The following STK39 variants were observed in gnomAD, a reference collection of about 807,000 sequenced individuals.
STK39 encodes serine/threonine kinase 39.
Under a neutral mutation model 77.8 loss-of-function variants are expected in STK39, and 20 were observed. The observed-to-expected ratio is 0.26, with a 90% CI of 0.18 to 0.37. The LOEUF is 0.37. Among genes scored for constraint, STK39 ranks in the 10% least tolerant of loss-of-function variants. The pLI is 1.00. For synonymous variants in STK39, 246 were observed against 234.1 expected (o/e 1.05, Z -0.47); for missense variants, 479 against 656.5 (o/e 0.73, Z 2.95).
intron 14 of STK39, among the ~76,000 whole-genome samples, chr2:168,025,892 G>T (rs1037958318): frequency 6.6e-6 from 1 of 152,184 alleles, no homozygotes; most frequent in African/African-American, 2.4e-5. Context: ...ACTCCTTCGG[G>T]AATTGAAGAC....
chr2:168,209,590 G>C (rs1689831961), intron 1 of STK39, among the ~76,000 whole-genome samples: 1 of 152,204 alleles, frequency 6.6e-6, no homozygotes, highest in Non-Finnish European at 1.5e-5. Context: ...TGGGGCAGAA[G>C]AATCACTTGA....
At chr2:168,193,268 A>T (rs1689383650) in intron 1 of STK39, among the ~76,000 whole-genome samples, 1 of 152,220 alleles carries the variant, frequency 6.6e-6, no homozygotes, top group Non-Finnish European at 1.5e-5. Context: ...ACAGGAAGTC[A>T]GGTCACCCTC....
At chr2:168,030,109 C>T (rs1204202904) in intron 14 of STK39, among the ~76,000 whole-genome samples, 8 of 152,052 alleles carry the variant, frequency 5.3e-5, no homozygotes, top group South Asian at 2.1e-4. Flanking sequence ...GGTGTGGTGG[C>T]GGGCGCCGGT....
At chr2:168,013,531 G>A (rs1334860299) in intron 15 of STK39, among the ~76,000 whole-genome samples, 1 of 152,174 alleles carries the variant, frequency 6.6e-6, no homozygotes, top group African/African-American at 2.4e-5. Flanking sequence ...AGCTGACTTG[G>A]TCCCCAGGGA....
intron 16 of STK39, among the ~76,000 whole-genome samples, chr2:167,990,867 C>G (rs977852528): frequency 6.6e-6 from 1 of 152,176 alleles, no homozygotes; most frequent in African/African-American, 2.4e-5. Context: ...TAGGTGAACT[C>G]TGTCTCAGCA....
At chr2:168,181,177 C>G (rs1229773384) in intron 2 of STK39, among the ~76,000 whole-genome samples, 1 of 152,156 alleles carries the variant, frequency 6.6e-6, no homozygotes, top group Admixed American at 6.5e-5. Flanking sequence ...AATCAGTTAA[C>G]TCCTCCACTG....
intron 1 of STK39, among the ~76,000 whole-genome samples, chr2:168,208,369 A>G (rs1242687559): frequency 6.6e-6 from 1 of 152,216 alleles, no homozygotes; most frequent in Non-Finnish European, 1.5e-5. Flanking sequence ...ACACAAATCA[A>G]CAACAGAACC....
At chr2:168,047,920 A>G (rs889904467) in intron 14 of STK39, among the ~76,000 whole-genome samples, 11 of 152,226 alleles carry the variant, frequency 7.2e-5, no homozygotes, top group African/African-American at 2.7e-4. Context: ...ACCAAAACTC[A>G]TATTTCCTTT....
intron 17 of STK39, among the ~76,000 whole-genome samples, chr2:167,958,151 A>T (rs1000118147): frequency 3.3e-5 from 5 of 152,214 alleles, no homozygotes; most frequent in Non-Finnish European, 5.9e-5. Flanking sequence ...GGGTCTTAGG[A>T]TCTCTTGATA....
intron 14 of STK39, among the ~76,000 whole-genome samples, chr2:168,058,966 G>C (rs1331896354): frequency 6.6e-6 from 1 of 152,204 alleles, no homozygotes. Context: ...CTTCACCACA[G>C]GCTACACAGC....
chr2:168,240,775 T>C (rs1467277614), intron 1 of STK39, among the ~76,000 whole-genome samples: 1 of 152,198 alleles, frequency 6.6e-6, no homozygotes, highest in Non-Finnish European at 1.5e-5. Context: ...CAGCATTTGA[T>C]GTGGTAATTG....
chr2:167,989,185 G>C (rs1191467371), intron 16 of STK39, among the ~76,000 whole-genome samples: 1 of 152,126 alleles, frequency 6.6e-6, no homozygotes, highest in African/African-American at 2.4e-5. Flanking sequence ...GTACGCACCT[G>C]GGGCATCCTT....
intron 10 of STK39, among the ~76,000 whole-genome samples, chr2:168,124,741 A>C (rs910929187): frequency 5.3e-5 from 8 of 152,150 alleles, no homozygotes; most frequent in Admixed American, 3.3e-4. Context: ...TATGAATATG[A>C]GTGTGAGTGT....
chr2:168,170,772 TGAGTCTAACTGGAGGA>T (rs1277113308), intron 2 of STK39, among the ~76,000 whole-genome samples: 5 of 152,156 alleles, frequency 3.3e-5, no homozygotes, highest in Admixed American at 1.3e-4. Flanking sequence ...ACTGCCTGGC[TGAGTCTAACTGGAGGA>T]GAGTCTAACT....
At chr2:167,969,183 T>C (rs1692251836) in intron 16 of STK39, among the ~76,000 whole-genome samples, 3 of 152,364 alleles carry the variant, frequency 2.0e-5, no homozygotes, top group South Asian at 4.1e-4. Flanking sequence ...GCTTGATGTA[T>C]AGCAAGTGGT....
chr2:168,097,942 T>A (rs6724737), intron 10 of STK39, among the ~76,000 whole-genome samples: 147,688 of 152,332 alleles, frequency 0.97, 71,648 homozygotes, highest in East Asian at 1. Context: ...CCACACAAAT[T>A]GGTATTACAG....
intron 2 of STK39, 44 bp from the exon 3 acceptor site, chr2:168,167,451 T>C (rs200773217): frequency 1.9e-6 from 3 of 1,567,476 alleles, no homozygotes; most frequent in Non-Finnish European, 2.6e-6. Flanking sequence ...GGGGTGAAAA[T>C]TGGCAAGCAA....
At chr2:168,072,596 G>GT (rs1391676382) in intron 12 of STK39, among the ~76,000 whole-genome samples, 1 of 152,202 alleles carries the variant, frequency 6.6e-6, no homozygotes, top group Non-Finnish European at 1.5e-5. Flanking sequence ...ATTTTGCTCT[G>GT]TATTTCTCAC....
intron 1 of STK39, among the ~76,000 whole-genome samples, chr2:168,220,015 C>T (rs372228600): frequency 3.3e-5 from 5 of 152,080 alleles, no homozygotes; most frequent in East Asian, 1.9e-4. Flanking sequence ...GATGGAGAGC[C>T]TTCCTTTGCT....
Sources: gnomAD v4.1 joint callset for allele counts (sites outside exome capture counted in the v4.1 genomes callset) on GRCh38, gnomAD v4.1.1 for gene constraint, MANE v1.5 for transcripts, NCBI Gene and HGNC (gene_info 2026-07-23, HGNC 2026-07-21) for gene names.